Variants in CHD9 observed in about 807,000 individuals in gnomAD.
The protein encoded by CHD9 is ATP-dependent chromatin remodeler CHD9.
A neutral mutation model predicts 316.1 loss-of-function variants in CHD9; 77 were observed. The ratio of observed to expected loss-of-function variants is 0.24; its 90% CI spans 0.20 to 0.29. The LOEUF (loss-of-function observed/expected upper bound fraction) is 0.29, where lower values mean the gene tolerates loss of function less well. Among genes scored for constraint, CHD9 ranks in the 10% least tolerant of loss-of-function variants. The pLI, the probability that CHD9 is intolerant of heterozygous loss-of-function variation, is 1.00. For missense variants in CHD9, 2,763 were observed against 3,438.1 expected (o/e 0.80, Z 4.91); for synonymous variants, 1,129 against 1,158.3 (o/e 0.97, Z 0.51).
At chr16:53,064,319 C>T (rs986673924) in intron 1 of CHD9, among the ~76,000 whole-genome samples, 5 of 152,202 alleles carry the variant, frequency 3.3e-5, no homozygotes, top group African/African-American at 1.2e-4. Flanking sequence ...CCCTCCAGCA[C>T]AGGGCCTCTT....
intron 1 of CHD9, among the ~76,000 whole-genome samples, chr16:53,089,097 G>A (rs1460046578): frequency 6.6e-6 from 1 of 151,826 alleles, no homozygotes; most frequent in Non-Finnish European, 1.5e-5. Context: ...GGGTGACAGA[G>A]TGAGACTCTG....
intron 1 of CHD9, among the ~76,000 whole-genome samples, chr16:53,139,741 A>C (rs2039965798): frequency 6.6e-6 from 1 of 152,220 alleles, no homozygotes; most frequent in South Asian, 2.1e-4. Flanking sequence ...ACAACTCTGC[A>C]AAGTAGATGG....
intron 36 of CHD9, among the ~76,000 whole-genome samples, chr16:53,316,398 A>G (rs2056887572): frequency 6.6e-6 from 1 of 152,188 alleles, no homozygotes; most frequent in Admixed American, 6.6e-5. Flanking sequence ...CCTCATACCT[A>G]TACTCTAGAC....
chr16:53,085,046 G>C lies in CHD9; in HGVS notation c.-165+29969G>C, dbSNP rs116650513. 3.8e-3 allele frequency among the ~76,000 whole-genome samples: 579 copies of C among 152,148 alleles called. 5 individuals carry two copies. The highest frequency in any genetic ancestry group is 0.013 in the African/African-American group (526 of 41,500). On this transcript the variant is annotated intron_variant, in intron 1 of 38. Coordinates refer to ENST00000447540, the MANE Select transcript of CHD9 (RefSeq NM_001308319.2). ...TTTTACTTAAGTCAATTCCCAAATT[G>C]GGAGACTTCACGTAAAATCCAAATC...
rs1178411906 is a variant in CHD9, at chr16:53,291,624, G to C, written c.5248-101G>C. The C allele has an allele frequency of 7.0e-6, 5 of 717,176 alleles. No homozygotes were observed. In the African/African-American group the frequency reaches 9.4e-5, roughly 13 times the overall value. The allele number at this position is 717,176 out of a possible 1,614,324, so 44.4% of individuals were successfully genotyped here. A position where few individuals can be genotyped will look rare whatever the true frequency, so the allele number is the denominator to read the frequency against. ...TTAATTATTTAACATTCCATTGGGGGAGAAAAGCTCTCTGTTATAAAGAAG... is the reference window on the plus strand; with the variant it reads ...TTAATTATTTAACATTCCATTGGGGCAGAAAAGCTCTCTGTTATAAAGAAG... On this transcript the variant is annotated intron_variant, in intron 27 of 38. Transcript: ENST00000447540.
In CHD9 at chr16:53,226,382, G is replaced by T. The variant is rs372425397; in HGVS notation, c.1913G>T (p.Arg638Leu). The change falls in exon 5 of 39, where the codon CGA becomes CTA. Residue 638 changes from arginine (R) to leucine (L), a missense_variant. Physicochemically the swap from Arg to Leu is moderately radical, Grantham distance 102. This residue lies in a region of CHD9 where 859 missense variants were observed against 890.4 expected (regional missense o/e 0.96). Transcript: ENST00000447540. ...TCATTACAGAAAAGAAGATCAAATC[G>T]ACAAATTAAAAGAAAAAAATACGCA... ...DQDSQKRRSNRQIKRKKYAED... is the reference protein window; with the variant it reads ...DQDSQKRRSNLQIKRKKYAED... The T allele has an allele frequency of 1.3e-6, 2 of 1,564,654 alleles. No individual in the cohort carries two copies. The highest frequency in any genetic ancestry group is 8.6e-7 in the Non-Finnish European group (1 of 1,158,332).
chr16:53,177,409 A>G (rs908726232), intron 2 of CHD9, among the ~76,000 whole-genome samples: 4 of 152,192 alleles, frequency 2.6e-5, no homozygotes, highest in Admixed American at 1.3e-4. Flanking sequence ...TGAAAGGGAA[A>G]AAAACGAAAA....
intron 1 of CHD9, among the ~76,000 whole-genome samples, chr16:53,098,079 C>CA (rs1369133158): frequency 6.7e-6 from 1 of 150,012 alleles, no homozygotes; most frequent in African/African-American, 2.5e-5. Flanking sequence ...GAGATCGTGC[C>CA]ATTGCACTCC....
intron 1 of CHD9, among the ~76,000 whole-genome samples, chr16:53,109,677 C>CTTTGTTTTTTTT (rs2037679164): frequency 1.4e-5 from 1 of 71,594 alleles, no homozygotes; most frequent in Admixed American, 1.8e-4. Context: ...TTCCCAGTTT[C>CTTTGTTTTTTTT]TTTTTTTTTT....
intron 30 of CHD9, among the ~76,000 whole-genome samples, chr16:53,300,089 C>T (rs2153072065): frequency 6.6e-6 from 1 of 152,348 alleles, no homozygotes; most frequent in South Asian, 2.1e-4. Context: ...CGCAGTGGCT[C>T]ACGCCTGTAA....
At chr16:53,111,617 A>T (rs1000152450) in intron 1 of CHD9, among the ~76,000 whole-genome samples, 2 of 152,250 alleles carry the variant, frequency 1.3e-5, no homozygotes, top group African/African-American at 4.8e-5. Flanking sequence ...CAAGTAGCCA[A>T]CGAATACCAT....
chr16:53,074,212 G>A (rs2034334409), intron 1 of CHD9, among the ~76,000 whole-genome samples: 1 of 152,200 alleles, frequency 6.6e-6, no homozygotes, highest in East Asian at 1.9e-4. Flanking sequence ...AATTGAGAGA[G>A]ATGATTTAGG....
intron 24 of CHD9, among the ~76,000 whole-genome samples, chr16:53,282,922 T>G (rs1252174799): frequency 6.6e-6 from 1 of 152,154 alleles, no homozygotes; most frequent in East Asian, 1.9e-4. Context: ...TCTCGTCACT[T>G]ACTCTTCTTG....
chr16:53,309,871 C>G (rs1010056082), intron 34 of CHD9, among the ~76,000 whole-genome samples: 1 of 152,130 alleles, frequency 6.6e-6, no homozygotes, highest in Non-Finnish European at 1.5e-5. Context: ...GAATGGTACT[C>G]AAGATTAACT....
At chr16:53,117,014 G>A (rs55887325) in intron 1 of CHD9, among the ~76,000 whole-genome samples, 41,308 of 151,982 alleles carry the variant, frequency 0.27, 7,060 homozygotes, top group Non-Finnish European at 0.38. Context: ...ATAAGTGGGA[G>A]CTGAACAATG....
chr16:53,226,690 T>C (rs2047682100), intron 5 of CHD9, among the ~76,000 whole-genome samples, 178 bp downstream of exon 5: 1 of 152,202 alleles, frequency 6.6e-6, no homozygotes, highest in South Asian at 2.1e-4. Flanking sequence ...TCATTTTCCT[T>C]TGCCTCTTCA....
At position 53,324,110 on chromosome 16, in the gene CHD9, G is replaced by A. The variant is rs1186901863; in HGVS notation, c.7909G>A (p.Gly2637Arg). Residue 2637 changes from glycine (G) to arginine (R), a missense_variant, in exon 39 of 39, where the codon GGA becomes AGA. By Grantham distance (125) the Gly-to-Arg change is moderately radical. Transcript: ENST00000447540. ...CAGGCGGGGGAGACGGCCTAAAAGT[G>A]GAATTGCAAAGGCCACAGCAGCAGC... ...VSRRGRRPKSGIAKATAAAAA... is the reference protein window; with the variant it reads ...VSRRGRRPKSRIAKATAAAAA... 6.2e-7 allele frequency: 1 copy of A among 1,613,830 alleles called. No individual in the cohort carries two copies. The highest frequency in any genetic ancestry group is 2.2e-5 in the East Asian group (1 of 44,896).
rs140540104 is a variant in CHD9, at chr16:53,194,899, TAATAA to T, written c.1453-14579_1453-14575del. ...ATGAAATATATCTGGAATGTCACAG[TAATAA>T]AATCAAGAAAATAATTTGTTTTTAG... is the stretch of plus-strand genomic sequence containing the variant. On this transcript the variant is annotated intron_variant, in intron 2 of 38. Transcript: ENST00000447540. 2.8e-3 allele frequency among the ~76,000 whole-genome samples: 423 copies of T among 152,324 alleles called. 5 individuals are homozygous for T. The highest frequency in any genetic ancestry group is 9.9e-3 in the African/African-American group (411 of 41,576).
intron 1 of CHD9, among the ~76,000 whole-genome samples, chr16:53,146,289 A>G (rs1274693160): frequency 2.0e-5 from 3 of 147,436 alleles, no homozygotes; most frequent in African/African-American, 2.5e-5. Flanking sequence ...GCTACTCGGG[A>G]GGCTGAGGCA....
Sources: allele counts gnomAD v4.1 joint callset (sites outside exome capture counted in the v4.1 genomes callset), GRCh38; gene constraint gnomAD v4.1.1; regional missense constraint gnomAD v4.1.1; transcripts MANE v1.5; gene names NCBI Gene and HGNC (gene_info 2026-07-23, HGNC 2026-07-21).